Variants in FAT1 observed in about 807,000 individuals in gnomAD.
FAT1 encodes protocadherin Fat 1.
FAT1 carries 171 observed loss-of-function variants against 329.8 expected under a neutral mutation model. The ratio of observed to expected loss-of-function variants is 0.52; its 90% confidence interval spans 0.46 to 0.59. FAT1 has a LOEUF of 0.59. FAT1 is among the 20% of genes least tolerant of loss of function. FAT1 has a pLI of 0.00. For synonymous variants in FAT1, 2,233 were observed against 2,228.6 expected, an observed-to-expected ratio of 1.00 and a Z score of -0.06; for missense variants, 5,672 against 5,774.4, an observed-to-expected ratio of 0.98 and a Z score of 0.57.
intron 12 of FAT1, among the ~76,000 whole-genome samples, 190 bp downstream of exon 12, chr4:186,614,001 A>C (rs574480094): frequency 6.6e-6 from 1 of 152,282 alleles, no homozygotes; most frequent in East Asian, 1.9e-4. Context: ...GCTGTTTTTT[A>C]AAAAATCTCA....
At chr4:186,609,396 A>C in intron 15 of FAT1, 76 bp from the exon 16 acceptor site, 1 of 1,505,530 alleles carries the variant, frequency 6.6e-7, no homozygotes, top group Admixed American at 2.3e-5. Flanking sequence ...TTGTGATATT[A>C]ATAGCTTAGC....
intron 3 of FAT1, among the ~76,000 whole-genome samples, chr4:186,643,149 G>C (rs1741178204): frequency 6.6e-6 from 1 of 152,090 alleles, no homozygotes; most frequent in African/African-American, 2.4e-5. Context: ...ATCACACTAA[G>C]CCAAATTTCC....
chr4:186,691,928 AT>A (rs142178801), intron 2 of FAT1, among the ~76,000 whole-genome samples: 1 of 148,350 alleles, frequency 6.7e-6, no homozygotes, highest in African/African-American at 2.6e-5. Flanking sequence ...TGTGGCTACT[AT>A]TTTTTTTTAC....
At chr4:186,639,336 A>G (rs988984685) in intron 4 of FAT1, among the ~76,000 whole-genome samples, 1 of 152,260 alleles carries the variant, frequency 6.6e-6, no homozygotes, top group Non-Finnish European at 1.5e-5. Context: ...AAATACCAAC[A>G]TAAATATATC....
rs1739998018 is a variant in FAT1 at position 186,620,689 on chromosome 4, T to C, written c.5897A>G (p.Lys1966Arg). ...TTCTTTGCTTTCTTTCACATTAATT[T>C]TGACAGAGGTAAGGCCGGCAAATCT... ...DGRFAGLTSV[K>R]INVKESKESH... Residue 1966 changes from lysine to arginine, a missense_variant, in exon 10 of 27, where the codon AAA (lysine) becomes AGA (arginine). By Grantham distance (26) the Lys-to-Arg change is conservative. This residue lies in a region of FAT1 where 3,966 missense variants were observed against 3,915.2 expected (regional missense o/e 1.01). Coordinates refer to ENST00000441802, the MANE Select transcript of FAT1 (RefSeq NM_005245.4). 1 of 1,613,908 alleles carries C rather than the reference T, an allele frequency of 6.2e-7. No individual in the cohort carries two copies. Among genetic ancestry groups the C allele is most frequent in the South Asian group, 1.1e-5 (1 of 91,088 alleles).
intron 3 of FAT1, among the ~76,000 whole-genome samples, chr4:186,653,716 G>A (rs572524330): frequency 5.3e-5 from 8 of 152,176 alleles, no homozygotes; most frequent in South Asian, 4.1e-4. Context: ...AATTTATTTC[G>A]TTTATTTACA....
chr4:186,588,642 C>T lies in FAT1; in HGVS notation c.13717G>A (p.Glu4573Lys), dbSNP rs777463346. The T allele has an allele frequency of 5.6e-6, 9 of 1,613,788 alleles. No homozygotes were observed. The highest frequency in any genetic ancestry group is 4.5e-5 in the East Asian group (2 of 44,866). Residue 4573 changes from glutamate to lysine, a missense_variant, in exon 27 of 27, where the codon GAA (glutamate) becomes AAA (lysine). Glu to Lys is a moderately conservative substitution (Grantham distance 56, BLOSUM62 1). Around this residue, in one of 2 missense-constraint regions of FAT1, gnomAD observed 1,706 missense variants for 1,859.1 expected, o/e 0.92. Transcript: ENST00000441802. ...DYESGDDGHF[E>K]EVTIPPLDSQ... ...TCCAGGGGCGGGATCGTCACCTCTT[C>T]GAAGTGGCCGTCGTCCCCGCTCTCA...
chr4:186,601,656 C>A (rs929466473), intron 20 of FAT1: 2 of 383,178 alleles, frequency 5.2e-6, no homozygotes, highest in Admixed American at 4.1e-5. Flanking sequence ...GAAATGAATT[C>A]TAAAGTAATG....
Position 186,628,221 on chromosome 4 carries a change from C to T in FAT1, c.4743G>A (p.Val1581=), listed in dbSNP as rs1579349970. The T allele has an allele frequency of 6.2e-7, 1 of 1,613,988 alleles. No homozygotes were observed. The highest frequency in any genetic ancestry group is 8.5e-7 in the Non-Finnish European group (1 of 1,179,884). ...VYESAAVGSV[V]LQVTALDKDK... ...CCTTGTCCAGAGCCGTCACCTGCAA[C>T]ACAACTGAGCCAACGGCTGCCGATT... is the stretch of plus-strand genomic sequence containing the variant. The change falls in exon 9 of 27, where the codon GTG becomes GTA. Residue 1581 remains valine (V), a synonymous_variant. Coordinates refer to ENST00000441802, the MANE Select transcript of FAT1 (RefSeq NM_005245.4).
chr4:186,643,579 G>A (rs1389260301), intron 3 of FAT1, among the ~76,000 whole-genome samples: 1 of 152,048 alleles, frequency 6.6e-6, no homozygotes, highest in Non-Finnish European at 1.5e-5. Context: ...AATGAAAACA[G>A]AATTTCCTAA....
At chr4:186,699,130 C>T (rs984467284) in intron 2 of FAT1, among the ~76,000 whole-genome samples, 11 of 152,096 alleles carry the variant, frequency 7.2e-5, no homozygotes, top group Non-Finnish European at 1.5e-4. Flanking sequence ...ACGGCAAGTA[C>T]TCACTAAACG....
At chr4:186,643,635 G>T (rs914171027) in intron 3 of FAT1, among the ~76,000 whole-genome samples, 131 of 152,056 alleles carry the variant, frequency 8.6e-4, no homozygotes, top group African/African-American at 3.1e-3. Flanking sequence ...TTCGAGGTGC[G>T]CTTTACCTTA....
At position 186,597,383 on chromosome 4, in the gene FAT1, A is replaced by G. The variant is rs539046595; in HGVS notation, c.12369-212T>C. On this transcript the variant is annotated intron_variant, in intron 24 of 26. Coordinates refer to ENST00000441802, the MANE Select transcript of FAT1 (RefSeq NM_005245.4). Reference sequence around the variant, plus strand: ...TCATGTGATCGCATGCTTTTGATGTATATTTGGGAAGGAAACATATCAAGC... The same window carrying G: ...TCATGTGATCGCATGCTTTTGATGTGTATTTGGGAAGGAAACATATCAAGC... 4.8e-5 allele frequency: 29 copies of G among 603,080 alleles called. No individual in the cohort carries two copies. In the East Asian group the frequency reaches 7.7e-4, roughly 16 times the overall value. 37.4% of individuals were successfully genotyped at this position (603,080 alleles called of 1,614,324 possible).
At chr4:186,656,934 C>T (rs1409533067) in intron 3 of FAT1, among the ~76,000 whole-genome samples, 2 of 151,996 alleles carry the variant, frequency 1.3e-5, no homozygotes, top group Non-Finnish European at 2.9e-5. Flanking sequence ...GCTGACCTTC[C>T]ACTTCTAGTA....
At position 186,707,351 on chromosome 4, in the gene FAT1, C is replaced by T. The variant is rs1162508522; in HGVS notation, c.2477G>A (p.Ser826Asn). ...NDNPPEFLQE[S>N]YFVEVSEDKE... ...GTCTTCACTCACTTCCACAAAATAG[C>T]TCTCCTGTAAAAACTCGGGTGGATT... is the stretch of plus-strand genomic sequence containing the variant. Residue 826 changes from serine to asparagine, a missense_variant, in exon 2 of 27, where the codon AGC (serine) becomes AAC (asparagine). Physicochemically the swap from Ser to Asn is conservative, Grantham distance 46. Around this residue, in one of 2 missense-constraint regions of FAT1, gnomAD observed 3,966 missense variants for 3,915.2 expected, o/e 1.01. Coordinates refer to ENST00000441802, the MANE Select transcript of FAT1 (RefSeq NM_005245.4). 6.2e-7 allele frequency: 1 copy of T among 1,613,970 alleles called. No homozygotes were observed. Among genetic ancestry groups the T allele is most frequent in the Admixed American group, 1.7e-5 (1 of 60,012 alleles).
intron 2 of FAT1, among the ~76,000 whole-genome samples, chr4:186,679,638 T>G (rs979955985): frequency 6.6e-6 from 1 of 151,714 alleles, no homozygotes; most frequent in Non-Finnish European, 1.5e-5. Context: ...CTTACAACAC[T>G]GTTGCCATTC....
intron 3 of FAT1, among the ~76,000 whole-genome samples, chr4:186,660,223 G>A (rs1330053976): frequency 6.6e-6 from 1 of 152,132 alleles, no homozygotes; most frequent in Non-Finnish European, 1.5e-5. Context: ...AGGCCGCCAT[G>A]ATACTGACCT....
At chr4:186,690,629 G>T (rs970117392) in intron 2 of FAT1, among the ~76,000 whole-genome samples, 5 of 152,062 alleles carry the variant, frequency 3.3e-5, no homozygotes, top group African/African-American at 1.2e-4. Flanking sequence ...CCCAGGAGTT[G>T]CAGTGAGCAG....
chr4:186,639,329 T>C (rs1740987290), intron 4 of FAT1, among the ~76,000 whole-genome samples: 1 of 152,220 alleles, frequency 6.6e-6, no homozygotes, highest in East Asian at 1.9e-4. Flanking sequence ...GATCTATAAA[T>C]ACCAACATAA....
Sources: gnomAD v4.1 joint callset for allele counts (sites outside exome capture counted in the v4.1 genomes callset) on GRCh38, gnomAD v4.1.1 for gene constraint, gnomAD v4.1.1 regional missense constraint, MANE v1.5 for transcripts, NCBI Gene and HGNC (gene_info 2026-07-23, HGNC 2026-07-21) for gene names.